LOC400499: variants seen among roughly 807,000 people sequenced by gnomAD.
the LOC400499 span, chr16:11,450,665 CCT>C: frequency 1.3e-6 from 2 of 1,536,140 alleles, no homozygotes; most frequent in Non-Finnish European, 1.7e-6. Flanking sequence ...CTGTTGGGGC[CCT>C]GACTCCTGCA....
the LOC400499 span, among the ~76,000 whole-genome samples, chr16:11,489,909 G>A: frequency 3.3e-5 from 5 of 152,220 alleles, no homozygotes; most frequent in African/African-American, 9.6e-5. Context: ...AAGGGCCAAA[G>A]GTAGCTGTGC....
chr16:11,523,963 G>T, the LOC400499 span, among the ~76,000 whole-genome samples: 7 of 45,252 alleles, frequency 1.5e-4, no homozygotes, highest in East Asian at 8.5e-4. Context: ...CCACCCACCC[G>T]CTCCCCTCTC....
At chr16:11,383,539 C>T in the LOC400499 span, 1 of 1,167,974 alleles carries the variant, frequency 8.6e-7, no homozygotes, top group Non-Finnish European at 1.1e-6. Context: ...CCTTGAATGA[C>T]AATTATTTGT....
chr16:11,393,664 G>A, the LOC400499 span: 14 of 999,288 alleles, frequency 1.4e-5, no homozygotes, highest in African/African-American at 1.8e-4. Flanking sequence ...GGAGGCTGCT[G>A]TTGGACCTGT....
At chr16:11,519,841 G>C in the LOC400499 span, among the ~76,000 whole-genome samples, 3 of 151,904 alleles carry the variant, frequency 2.0e-5, no homozygotes, top group African/African-American at 7.3e-5. Context: ...GAGTAGCTGG[G>C]ATTACAGGCA....
chr16:11,375,582 G>C, the LOC400499 span, among the ~76,000 whole-genome samples: 1 of 151,714 alleles, frequency 6.6e-6, no homozygotes, highest in Non-Finnish European at 1.5e-5. Flanking sequence ...CAAAGTGCTG[G>C]GATTACAGGC....
the LOC400499 span, among the ~76,000 whole-genome samples, chr16:11,527,034 G>A: frequency 3.4e-4 from 52 of 152,340 alleles, no homozygotes; most frequent in African/African-American, 1.2e-3. Flanking sequence ...CTACAAAAGC[G>A]CAATCCCCGG....
At chr16:11,496,695 T>C in the LOC400499 span, among the ~76,000 whole-genome samples, 15 of 152,236 alleles carry the variant, frequency 9.9e-5, no homozygotes, top group African/African-American at 3.6e-4. Context: ...GTGTCCCTTG[T>C]GTGCCCACGC....
the LOC400499 span, among the ~76,000 whole-genome samples, chr16:11,413,499 G>A: frequency 6.6e-6 from 1 of 152,278 alleles, no homozygotes; most frequent in African/African-American, 2.4e-5. Flanking sequence ...GCCCAGCCAA[G>A]CAGGACGAGT....
chr16:11,428,130 G>C, the LOC400499 span, among the ~76,000 whole-genome samples: 2 of 152,130 alleles, frequency 1.3e-5, no homozygotes, highest in African/African-American at 2.4e-5. Flanking sequence ...GTTATTTCTT[G>C]ATTATATGCT....
the LOC400499 span, among the ~76,000 whole-genome samples, chr16:11,374,958 C>T: frequency 6.6e-6 from 1 of 152,164 alleles, no homozygotes; most frequent in East Asian, 1.9e-4. Flanking sequence ...AAGTGATCCT[C>T]ATGCCTCAGC....
At chr16:11,397,525 G>A in the LOC400499 span, among the ~76,000 whole-genome samples, 2 of 152,124 alleles carry the variant, frequency 1.3e-5, no homozygotes, top group East Asian at 1.9e-4. Context: ...TGCCTGCATC[G>A]GCCTCCCAAA....
At chr16:11,387,463 G>A in the LOC400499 span, among the ~76,000 whole-genome samples, 1 of 152,290 alleles carries the variant, frequency 6.6e-6, no homozygotes, top group Admixed American at 6.5e-5. Flanking sequence ...TGAGGTGGAG[G>A]AGGACAGAGG....
At chr16:11,510,826 G>GAAGACAGGGCC in the LOC400499 span, among the ~76,000 whole-genome samples, 2 of 151,506 alleles carry the variant, frequency 1.3e-5, 1 homozygote, top group South Asian at 4.2e-4. Flanking sequence ...ACCCAGGGAG[G>GAAGACAGGGCC]AAGACAGGGC....
the LOC400499 span, chr16:11,516,116 A>G: frequency 5.5e-5 from 22 of 399,254 alleles, no homozygotes; most frequent in Non-Finnish European, 6.6e-5. Flanking sequence ...TCTACCCCCT[A>G]CCCCCTTCCC....
chr16:11,375,541 G>C, the LOC400499 span, among the ~76,000 whole-genome samples: 1 of 147,694 alleles, frequency 6.8e-6, no homozygotes, highest in African/African-American at 2.6e-5. Flanking sequence ...TCGAACTCCT[G>C]ACCTCAAGTG....
chr16:11,453,041 C>T, the LOC400499 span, among the ~76,000 whole-genome samples: 2 of 152,076 alleles, frequency 1.3e-5, no homozygotes, highest in Non-Finnish European at 2.9e-5. Flanking sequence ...TCCTGGGATC[C>T]TTTTTACGGC....
chr16:11,417,522 C>T, the LOC400499 span: 1 of 398,056 alleles, frequency 2.5e-6, no homozygotes, highest in East Asian at 3.6e-5. Context: ...CCCAGAGCCA[C>T]ACTGGACTTG....
the LOC400499 span, among the ~76,000 whole-genome samples, chr16:11,432,731 G>A: frequency 3.5e-4 from 54 of 152,282 alleles, 1 homozygote; most frequent in Admixed American, 2.8e-3. Context: ...TTCACCACCA[G>A]GAACAAGATC....
Sources: allele counts gnomAD v4.1 joint callset (sites outside exome capture counted in the v4.1 genomes callset), GRCh38; gene constraint gnomAD v4.1.1; transcripts MANE v1.5.